The following NRG3 variants were observed in gnomAD, a reference collection of about 807,000 sequenced individuals.
NRG3 encodes the protein pro-neuregulin-3, membrane-bound isoform.
Under a neutral mutation model 66.9 loss-of-function variants are expected in NRG3, and 31 were observed. That is an observed-to-expected ratio of 0.46 (90% CI 0.35 to 0.63). NRG3 has a LOEUF of 0.63. Ranked by LOEUF, NRG3 falls within the 20% of genes least tolerant of loss-of-function variation. NRG3 has a pLI of 0.00. For missense variants in NRG3, 910 were observed against 878.9 expected, an observed-to-expected ratio of 1.04 and a Z score of -0.45; for synonymous variants, 393 against 359.4, an observed-to-expected ratio of 1.09 and a Z score of -1.06.
chr10:82,886,085 C>G (rs1440843703), intron 4 of NRG3, among the ~76,000 whole-genome samples: 2 of 152,092 alleles, frequency 1.3e-5, no homozygotes, highest in South Asian at 4.1e-4. Context: ...AGGCTGGTCT[C>G]GAGGTCCTGA....
intron 1 of NRG3, among the ~76,000 whole-genome samples, chr10:82,323,830 A>T (rs551084401): frequency 6.6e-6 from 1 of 152,056 alleles, no homozygotes; most frequent in Non-Finnish European, 1.5e-5. Context: ...TATTTTTGAA[A>T]AACCTTCTAT....
chr10:82,853,416 A>C (rs1428120813), intron 3 of NRG3, among the ~76,000 whole-genome samples: 1 of 152,186 alleles, frequency 6.6e-6, no homozygotes, highest in African/African-American at 2.4e-5. Flanking sequence ...GATTCTACCC[A>C]TCCATGAGCA....
At chr10:82,260,046 T>C (rs951465917) in intron 1 of NRG3, among the ~76,000 whole-genome samples, 2 of 152,188 alleles carry the variant, frequency 1.3e-5, no homozygotes, top group African/African-American at 2.4e-5. Flanking sequence ...TACTTTCTAT[T>C]CCCTGTCCCA....
At chr10:82,449,712 A>G (rs1004582070) in intron 2 of NRG3, among the ~76,000 whole-genome samples, 6 of 152,276 alleles carry the variant, frequency 3.9e-5, no homozygotes, top group African/African-American at 1.2e-4. Flanking sequence ...CACATCAAGC[A>G]TATGTGTGGT....
chr10:82,260,230 T>C (rs1275730692), intron 1 of NRG3, among the ~76,000 whole-genome samples: 4 of 152,222 alleles, frequency 2.6e-5, no homozygotes, highest in Admixed American at 1.3e-4. Context: ...TCACTGAGTT[T>C]GGCGTTTGTA....
chr10:82,976,203 A>G (rs1885613), intron 7 of NRG3, among the ~76,000 whole-genome samples: 141,118 of 152,028 alleles, frequency 0.93, 65,521 homozygotes, highest in Middle Eastern at 0.98. Context: ...CTACAGGCAC[A>G]TGCTACCATG....
intron 2 of NRG3, among the ~76,000 whole-genome samples, chr10:82,665,773 A>G (rs1412259926): frequency 6.6e-6 from 1 of 152,128 alleles, no homozygotes; most frequent in Non-Finnish European, 1.5e-5. Context: ...AATCTCAACA[A>G]TATTTTACCC....
At chr10:82,688,661 A>T (rs890012527) in intron 2 of NRG3, among the ~76,000 whole-genome samples, 1 of 152,172 alleles carries the variant, frequency 6.6e-6, no homozygotes, top group Admixed American at 6.5e-5. Flanking sequence ...ATTTCCCAAG[A>T]AGTAAACAAA....
intron 1 of NRG3, among the ~76,000 whole-genome samples, chr10:82,238,760 G>C (rs2076866918): frequency 6.6e-6 from 1 of 151,798 alleles, no homozygotes; most frequent in African/African-American, 2.4e-5. Context: ...TCACGTTGTT[G>C]TGTGAGCATA....
At chr10:82,981,359 T>C (rs1852875615) in intron 8 of NRG3, among the ~76,000 whole-genome samples, 1 of 152,202 alleles carries the variant, frequency 6.6e-6, no homozygotes. Flanking sequence ...TGACTCTAAA[T>C]ATAAGTCACT....
chr10:82,611,934 T>A (rs940576318), intron 2 of NRG3, among the ~76,000 whole-genome samples: 1 of 152,168 alleles, frequency 6.6e-6, no homozygotes, highest in Non-Finnish European at 1.5e-5. Context: ...GCATCTGTTG[T>A]TTCTGACTTT....
At chr10:82,548,839 G>A (rs866091943) in intron 2 of NRG3, among the ~76,000 whole-genome samples, 1 of 152,178 alleles carries the variant, frequency 6.6e-6, no homozygotes, top group Non-Finnish European at 1.5e-5. Flanking sequence ...TATCTAAGAA[G>A]CAATGGTCTG....
chr10:82,412,574 G>T (rs2088184154), intron 2 of NRG3, among the ~76,000 whole-genome samples: 1 of 152,210 alleles, frequency 6.6e-6, no homozygotes, highest in Non-Finnish European at 1.5e-5. Flanking sequence ...GAAGGTTAGG[G>T]TGGCTTTGTC....
At chr10:82,302,003 G>T (rs1027837964) in intron 1 of NRG3, among the ~76,000 whole-genome samples, 3 of 151,188 alleles carry the variant, frequency 2.0e-5, no homozygotes, top group Non-Finnish European at 4.4e-5. Context: ...GGCAATATGT[G>T]TAATTTTTCT....
intron 1 of NRG3, among the ~76,000 whole-genome samples, chr10:82,207,085 A>G (rs919732054): frequency 1.3e-5 from 2 of 152,166 alleles, no homozygotes; most frequent in Non-Finnish European, 2.9e-5. Flanking sequence ...TTGGAAAAAC[A>G]ATAGTCTTTC....
At chr10:81,900,581 C>T (rs1291812988) in intron 1 of NRG3, among the ~76,000 whole-genome samples, 1 of 152,168 alleles carries the variant, frequency 6.6e-6, no homozygotes, top group Non-Finnish European at 1.5e-5. Context: ...TTGCCACAGT[C>T]ACTGAAAATT....
chr10:82,007,982 T>A (rs2061438348), intron 1 of NRG3, among the ~76,000 whole-genome samples: 1 of 152,202 alleles, frequency 6.6e-6, no homozygotes, highest in Non-Finnish European at 1.5e-5. Context: ...CTCATTATTA[T>A]CTTATTCCCT....
chr10:81,889,443 A>G (rs1250833745), intron 1 of NRG3: 1 of 152,192 alleles, frequency 6.6e-6, no homozygotes, highest in Non-Finnish European at 1.5e-5. Flanking sequence ...GGAGAACTGC[A>G]TCCGTTCATT....
chr10:82,247,269 A>G (rs1429062116), intron 1 of NRG3, among the ~76,000 whole-genome samples: 2 of 152,170 alleles, frequency 1.3e-5, no homozygotes, highest in African/African-American at 2.4e-5. Context: ...GCTCATAACA[A>G]ATAAATTTAT....
Sources: gnomAD v4.1 joint callset for allele counts (sites outside exome capture counted in the v4.1 genomes callset) on GRCh38, gnomAD v4.1.1 for gene constraint, MANE v1.5 for transcripts, NCBI Gene and HGNC (gene_info 2026-07-23, HGNC 2026-07-21) for gene names.